DPYD: variants seen among roughly 807,000 people sequenced by gnomAD.
DPYD encodes dihydropyrimidine dehydrogenase [NADP(+)].
In DPYD, 109 loss-of-function variants were observed where a neutral mutation model predicts 116.2. The observed-to-expected ratio is 0.94, with a 90% CI of 0.80 to 1.10. DPYD has a LOEUF of 1.10. Ranked by LOEUF, DPYD falls within the 50% of genes least tolerant of loss-of-function variation. DPYD has a pLI of 0.00. For missense variants in DPYD, 1,302 were observed against 1,254.5 expected (o/e 1.04, Z -0.57); for synonymous variants, 440 against 432.0 (o/e 1.02, Z -0.23).
At chr1:97,797,882 T>A (rs1447033890) in intron 3 of DPYD, 1 of 152,102 alleles carries the variant, frequency 6.6e-6, no homozygotes, top group Non-Finnish European at 1.5e-5. Context: ...AGATTTATGA[T>A]AAGTTCTGAT....
chr1:97,744,741 C>T (rs570883802), intron 3 of DPYD, among the ~76,000 whole-genome samples: 4 of 152,012 alleles, frequency 2.6e-5, no homozygotes, highest in Non-Finnish European at 5.9e-5. Flanking sequence ...ACCTTGTTTC[C>T]CTACCCTATA....
chr1:97,727,999 C>G (rs1320056714), intron 4 of DPYD, among the ~76,000 whole-genome samples: 1 of 151,884 alleles, frequency 6.6e-6, no homozygotes, highest in Non-Finnish European at 1.5e-5. Context: ...ACTACTTCAA[C>G]TGGTTCATGT....
At chr1:97,542,539 T>C (rs1206359639) in intron 12 of DPYD, among the ~76,000 whole-genome samples, 1 of 152,174 alleles carries the variant, frequency 6.6e-6, no homozygotes, top group East Asian at 1.9e-4. Context: ...TTAAATTTTG[T>C]TTCTTGTTGT....
intron 18 of DPYD, among the ~76,000 whole-genome samples, chr1:97,249,953 C>CA (rs1273996233): frequency 4.6e-5 from 7 of 152,126 alleles, no homozygotes; most frequent in African/African-American, 1.7e-4. Context: ...AACGAACTCT[C>CA]ACATGCTGCT....
At chr1:97,774,280 C>A (rs902995648) in intron 3 of DPYD, among the ~76,000 whole-genome samples, 3 of 152,174 alleles carry the variant, frequency 2.0e-5, no homozygotes, top group African/African-American at 7.2e-5. Context: ...ACTGCCACCT[C>A]TCTCTCTTTC....
At chr1:97,203,507 T>C (rs1011850749) in intron 19 of DPYD, among the ~76,000 whole-genome samples, 8 of 150,892 alleles carry the variant, frequency 5.3e-5, no homozygotes, top group Non-Finnish European at 7.4e-5. Context: ...CGGGATAGCA[T>C]TGGGAGATAT....
rs1216537897 is a variant in DPYD at position 97,461,552 on chromosome 1, T to C, written c.1741-11329A>G. Among the ~76,000 whole-genome samples the C allele has an allele frequency of 3.9e-5, 6 of 152,308 alleles. No homozygotes were observed. In the East Asian group the frequency reaches 1.2e-3, roughly 29 times the overall value. On this transcript the variant is annotated intron_variant, in intron 13 of 22. Transcript: ENST00000370192. ...AAAATGAGGAGGATAAAAAGTTTGT[T>C]TCTGCCAAGAATCTATGAAACTATT... is the stretch of plus-strand genomic sequence containing the variant.
intron 19 of DPYD, among the ~76,000 whole-genome samples, chr1:97,229,548 A>G (rs1421039058): frequency 8.7e-4 from 18 of 20,754 alleles, no homozygotes; most frequent in African/African-American, 3.8e-3. Flanking sequence ...CATCCTAAGT[A>G]TATATATATA....
intron 3 of DPYD, among the ~76,000 whole-genome samples, chr1:97,770,625 G>A (rs995572816): frequency 6.6e-5 from 10 of 152,182 alleles, no homozygotes; most frequent in East Asian, 5.8e-4. Flanking sequence ...CTAAGTTTGC[G>A]TAAGTGTTTT....
At chr1:97,251,263 G>A (rs947576721) in intron 18 of DPYD, among the ~76,000 whole-genome samples, 1 of 151,820 alleles carries the variant, frequency 6.6e-6, no homozygotes, top group Non-Finnish European at 1.5e-5. Flanking sequence ...GGTCATGGTG[G>A]CAGGCGCCTC....
chr1:97,374,944 G>A (rs900091598), intron 15 of DPYD, among the ~76,000 whole-genome samples: 2 of 147,532 alleles, frequency 1.4e-5, no homozygotes, highest in Admixed American at 7.0e-5. Flanking sequence ...CAGGAGAATC[G>A]CTTGAACCTG....
rs1654649462 is a variant in DPYD at position 97,593,283 on chromosome 1, C to T, written c.1063G>A (p.Gly355Arg). The part of the protein sequence containing the change: ...FDCATSALRC[G>R]ARRVFIVFRK... ...AAGACGATGAACACACGGCGAGCTC[C>T]ACAACGTAGAGCAGATGTTGCACAG... Residue 355 changes from glycine (G) to arginine (R), a missense_variant, in exon 10 of 23, where the codon GGA becomes AGA. Coordinates refer to ENST00000370192, the MANE Select transcript of DPYD (RefSeq NM_000110.4). 6.2e-7 allele frequency: 1 copy of T among 1,614,006 alleles called. No individual in the cohort carries two copies. Among genetic ancestry groups the T allele is most frequent in the Non-Finnish European group, 8.5e-7 (1 of 1,180,018 alleles).
intron 20 of DPYD, among the ~76,000 whole-genome samples, chr1:97,108,549 C>T (rs1371186446): frequency 6.6e-6 from 1 of 152,066 alleles, no homozygotes; most frequent in Admixed American, 6.6e-5. Context: ...TCATGTTTAT[C>T]AAACTTCCAA....
intron 8 of DPYD, among the ~76,000 whole-genome samples, chr1:97,617,320 T>C (rs1179426936): frequency 1.3e-5 from 2 of 152,148 alleles, no homozygotes; most frequent in Non-Finnish European, 2.9e-5. Context: ...ATAAAGGTAA[T>C]TGGCTAGGGA....
At chr1:97,274,276 G>A (rs1664782627) in intron 18 of DPYD, among the ~76,000 whole-genome samples, 1 of 152,134 alleles carries the variant, frequency 6.6e-6, no homozygotes, top group Admixed American at 6.5e-5. Flanking sequence ...GGCCATGGGG[G>A]CAGATCTCTC....
chr1:97,570,026 C>A (rs1383701218), intron 11 of DPYD, among the ~76,000 whole-genome samples: 1 of 151,862 alleles, frequency 6.6e-6, no homozygotes, highest in Non-Finnish European at 1.5e-5. Context: ...ATATACTTAT[C>A]TTTTCTATAA....
chr1:97,206,395 T>G (rs1031325053), intron 19 of DPYD, among the ~76,000 whole-genome samples: 1 of 151,962 alleles, frequency 6.6e-6, no homozygotes. Context: ...AGCACCACAT[T>G]GAAACTCACA....
At position 97,549,547 on chromosome 1, in the gene DPYD, G is replaced by C. The variant is rs1333594050; in HGVS notation, c.1524+13C>G. On this transcript the variant is annotated intron_variant, in intron 12 of 22. Transcript: ENST00000370192. ...TGGAAAAGAATTAAGTGGAAATGAT[G>C]GCAAATGCCTACCTGTACGTATTTG... 1 of 1,613,380 alleles carries C rather than the reference G, an allele frequency of 6.2e-7. No individual in the cohort carries two copies. Among genetic ancestry groups the C allele is most frequent in the East Asian group, 2.2e-5 (1 of 44,834 alleles).
At position 97,805,244 on chromosome 1, in the gene DPYD, G is replaced by A. The variant is rs138656843; in HGVS notation, c.233+22870C>T. 2.3e-3 allele frequency among the ~76,000 whole-genome samples: 352 copies of A among 151,848 alleles called. 1 individual carries two copies. The highest frequency in any genetic ancestry group is 5.8e-3 in the Admixed American group (88 of 15,204). On this transcript the variant is annotated intron_variant, in intron 3 of 22. Transcript: ENST00000370192. The stretch of plus-strand genomic sequence containing the variant: ...AAACTGTAAGTTTGAGATTCAAGAG[G>A]GTGACTAGGGCAGAGAACACAGACT...
Sources: allele counts gnomAD v4.1 joint callset (sites outside exome capture counted in the v4.1 genomes callset), GRCh38; gene constraint gnomAD v4.1.1; transcripts MANE v1.5; gene names NCBI Gene and HGNC (gene_info 2026-07-23, HGNC 2026-07-21).